Variants in PCDHGB3 observed in about 807,000 individuals in gnomAD.
PCDHGB3 encodes the protein protocadherin gamma-B3.
Under a neutral mutation model 59.2 loss-of-function variants are expected in PCDHGB3, and 40 were observed. The observed-to-expected ratio is 0.68, with a 90% CI of 0.52 to 0.88. The LOEUF is 0.88. Ranked by LOEUF, PCDHGB3 falls within the 40% of genes least tolerant of loss-of-function variation. PCDHGB3 has a pLI of 0.00. For missense variants in PCDHGB3, 1,309 were observed against 1,187.9 expected (o/e 1.10, Z -1.50); for synonymous variants, 581 against 503.6 (o/e 1.15, Z -2.06).
chr5:141,382,992 T>G, intron 1 of PCDHGB3: 2 of 1,613,578 alleles, frequency 1.2e-6, no homozygotes, highest in Non-Finnish European at 1.7e-6. Context: ...CAGGACGTAT[T>G]CTCTACTCCG....
intron 1 of PCDHGB3, chr5:141,427,830 C>G (rs749612858): frequency 7.8e-6 from 12 of 1,538,206 alleles, no homozygotes; most frequent in Non-Finnish European, 1.1e-5. Context: ...GGTCGCGCAG[C>G]GTGCCTTCGA....
In PCDHGB3 at chr5:141,372,747, G is replaced by A; in HGVS notation, c.2353G>A (p.Ala785Thr). ...AAPQDLLCDE[A>T]SWFESNDNPE... ...ACCACAAGATCTTCTATGTGATGAA[G>A]CCTCTTGGTTTGAAAGTAATGACAA... Residue 785 changes from alanine (A) to threonine (T), a missense_variant, in exon 1 of 4, where the codon GCC becomes ACC. Transcript: ENST00000576222. The A allele has an allele frequency of 2.5e-6, 4 of 1,613,418 alleles. 1 individual carries two copies. Among genetic ancestry groups the A allele is most frequent in the East Asian group, 4.5e-5 (2 of 44,880 alleles).
chr5:141,460,783 T>G (rs1000959104), intron 1 of PCDHGB3, among the ~76,000 whole-genome samples: 1 of 152,030 alleles, frequency 6.6e-6, no homozygotes, highest in Non-Finnish European at 1.5e-5. Flanking sequence ...TGTATACATA[T>G]ATACACACAA....
In PCDHGB3 at chr5:141,492,378, C is replaced by T. The variant is rs144479033; in HGVS notation, c.2416-2429C>T. Among the ~76,000 whole-genome samples the T allele has an allele frequency of 1.7e-3, 262 of 152,360 alleles. 2 individuals are homozygous for T. The highest frequency in any genetic ancestry group is 3.0e-3 in the Non-Finnish European group (207 of 68,026). On this transcript the variant is annotated intron_variant, in intron 1 of 3. Coordinates refer to ENST00000576222, the MANE Select transcript of PCDHGB3 (RefSeq NM_018924.5). ...CTCGCTCGCGGCCAGATTCACAGGCCTGTTCCGGTCCACTCGCAGCTCCCC... is the reference window on the plus strand; with the variant it reads ...CTCGCTCGCGGCCAGATTCACAGGCTTGTTCCGGTCCACTCGCAGCTCCCC...
rs1277471352 is a variant in PCDHGB3, at chr5:141,370,393, G to T, written c.-2G>T. 9.0e-6 allele frequency: 14 copies of T among 1,547,032 alleles called. No individual in the cohort carries two copies. Among genetic ancestry groups the T allele is most frequent in the Non-Finnish European group, 1.2e-5 (14 of 1,149,498 alleles). On this transcript the variant is annotated 5_prime_UTR_variant, in exon 1 of 4. Transcript: ENST00000576222. ...TAGAAAGGCAAAGGCGCAGAGAGCG[G>T]GATGGGAAATAGCTCCGGATGGAGG... is the stretch of plus-strand genomic sequence containing the variant.
At chr5:141,435,067 T>C (rs1381741674) in intron 1 of PCDHGB3, among the ~76,000 whole-genome samples, 1 of 152,168 alleles carries the variant, frequency 6.6e-6, no homozygotes, top group African/African-American at 2.4e-5. Flanking sequence ...CAGTTTTGTG[T>C]AGACCGTCTG....
chr5:141,490,984 T>TCTG lies in PCDHGB3; in HGVS notation c.2416-3820_2416-3818dup. On this transcript the variant is annotated intron_variant, in intron 1 of 3. Transcript: ENST00000576222. The surrounding 1 kb of genome is among the most constrained non-coding windows in gnomAD (Gnocchi z 5.4). ...CTCAGCCCCCCAGCGTCTCCCTCGCTCTGCTCCTCCTGGCTCCTTGGTCAC... is the reference window on the plus strand; with the variant it reads ...CTCAGCCCCCCAGCGTCTCCCTCGCTCTGCTGCTCCTCCTGGCTCCTTGGTCAC... The TCTG allele has an allele frequency of 1.2e-6, 2 of 1,614,110 alleles. No homozygotes were observed. Among genetic ancestry groups the TCTG allele is most frequent in the Non-Finnish European group, 1.7e-6 (2 of 1,180,028 alleles).
chr5:141,454,580 ATT>A (rs1392342692), intron 1 of PCDHGB3, among the ~76,000 whole-genome samples: 2 of 151,234 alleles, frequency 1.3e-5, no homozygotes, highest in Non-Finnish European at 2.9e-5. Context: ...CTAATTTTGT[ATT>A]TTTAGTAGAG....
At chr5:141,410,715 G>C (rs1237496496) in intron 1 of PCDHGB3, 1 of 1,422,664 alleles carries the variant, frequency 7.0e-7, no homozygotes, top group Non-Finnish European at 9.4e-7. Context: ...AGAATCATAT[G>C]TTTAAAATCC....
intron 1 of PCDHGB3, chr5:141,408,888 A>G: frequency 1.2e-6 from 2 of 1,613,352 alleles, no homozygotes; most frequent in Non-Finnish European, 1.7e-6. Context: ...GCTCACATAG[A>G]AATTTCTGTC....
intron 1 of PCDHGB3, chr5:141,433,074 A>C: frequency 6.2e-7 from 1 of 1,614,218 alleles, no homozygotes; most frequent in East Asian, 2.2e-5. Flanking sequence ...ATCTTCCCCC[A>C]GCCCAACTAT....
rs771411620 is a variant in PCDHGB3, at chr5:141,485,551, G to A, written c.2416-9256G>A. ...GAGCAGAGGTAGAGATCGTAGATGT[G>A]AATGATCACGCCCCCCGTTTTCCGC... On this transcript the variant is annotated intron_variant, in intron 1 of 3. Transcript: ENST00000576222. This position sits in a 1 kb window ranked among gnomAD's most constrained non-coding sequence, Gnocchi z 5.7. 1.9e-6 allele frequency: 3 copies of A among 1,613,958 alleles called. No individual in the cohort carries two copies. Among genetic ancestry groups the A allele is most frequent in the Admixed American group, 1.7e-5 (1 of 60,006 alleles).
chr5:141,487,181 C>T lies in PCDHGB3; in HGVS notation c.2416-7626C>T. 3 of 1,612,732 alleles carry T rather than the reference C, an allele frequency of 1.9e-6. No individual in the cohort carries two copies. The highest frequency in any genetic ancestry group is 1.1e-5 in the South Asian group (1 of 91,060). ...CTTAGTGTCCTTAGAGGAAGACACT[C>T]ATCCAGTTGTCCCAGATCTTCGAGA... On this transcript the variant is annotated intron_variant, in intron 1 of 3. Transcript: ENST00000576222. This position sits in a 1 kb window ranked among gnomAD's most constrained non-coding sequence, Gnocchi z 5.0.
chr5:141,421,578 T>G, intron 1 of PCDHGB3: 1 of 1,613,886 alleles, frequency 6.2e-7, no homozygotes, highest in Non-Finnish European at 8.5e-7. Flanking sequence ...CCTTGAAGAT[T>G]TACGGAGTGG....
intron 1 of PCDHGB3, chr5:141,408,622 A>C (rs1481022505): frequency 6.2e-7 from 1 of 1,614,070 alleles, no homozygotes; most frequent in Admixed American, 1.7e-5. Flanking sequence ...AAATACATTT[A>C]GAAATTTTCG....
chr5:141,414,421 A>AGGGAACAG (rs1486483287), intron 1 of PCDHGB3: 1 of 1,613,776 alleles, frequency 6.2e-7, no homozygotes, highest in Non-Finnish European at 8.5e-7. Context: ...AGCCCTTGAC[A>AGGGAACAG]GGGAACAGGT....
chr5:141,454,356 T>G (rs1461475653), intron 1 of PCDHGB3, among the ~76,000 whole-genome samples: 1 of 152,224 alleles, frequency 6.6e-6, no homozygotes, highest in East Asian at 1.9e-4. Context: ...TGATCCAAAC[T>G]TAGAAAGGAG....
intron 1 of PCDHGB3, among the ~76,000 whole-genome samples, chr5:141,445,277 A>G (rs769047096): frequency 6.6e-6 from 1 of 152,256 alleles, no homozygotes; most frequent in African/African-American, 2.4e-5. Flanking sequence ...ACCACTCTGC[A>G]TAAGTTCAGG....
intron 1 of PCDHGB3, chr5:141,373,837 A>C (rs1457844906): frequency 9.4e-6 from 4 of 427,674 alleles, no homozygotes; most frequent in East Asian, 3.5e-5. Flanking sequence ...GTATTAAGTT[A>C]GGACTCTAAG....
Sources: allele counts gnomAD v4.1 joint callset (sites outside exome capture counted in the v4.1 genomes callset), GRCh38; gene constraint gnomAD v4.1.1; non-coding constraint Gnocchi (gnomAD v3.1); transcripts MANE v1.5; gene names NCBI Gene and HGNC (gene_info 2026-07-23, HGNC 2026-07-21).